The following WNT6 variants were observed in gnomAD, a reference collection of about 807,000 sequenced individuals.
WNT6 encodes Wnt family member 6, also known as protein Wnt-6.
WNT6 carries 27 observed loss-of-function variants against 33.1 expected under a neutral mutation model. The ratio of observed to expected loss-of-function variants is 0.82; its 90% CI spans 0.60 to 1.12. WNT6 has a LOEUF of 1.12. WNT6 is among the 50% of genes most tolerant of loss of function. The pLI, the probability that WNT6 is intolerant of heterozygous loss-of-function variation, is 0.00. For missense variants in WNT6, 494 were observed against 535.3 expected (o/e 0.92, Z 0.76); for synonymous variants, 249 against 242.8 (o/e 1.03, Z -0.24).
In WNT6 at chr2:218,859,894, C is replaced by G. The variant is rs1042202890; in HGVS notation, c.-144C>G. 2.2e-6 allele frequency: 1 copy of G among 464,930 alleles called. No homozygotes were observed. Among genetic ancestry groups the G allele is most frequent in the Non-Finnish European group, 3.0e-6 (1 of 335,834 alleles). The allele number at this position is 464,930 out of a possible 1,614,324, so 28.8% of individuals were successfully genotyped here. On this transcript the variant is annotated 5_prime_UTR_variant, in exon 1 of 4. Coordinates refer to ENST00000233948, the MANE Select transcript of WNT6 (RefSeq NM_006522.4). ...CCGCGCCCTCCTCGCCCGGGATGGGCCCCCCCGCCGCCGCCGGATCCCTCG... is the reference window on the plus strand; with the variant it reads ...CCGCGCCCTCCTCGCCCGGGATGGGGCCCCCCGCCGCCGCCGGATCCCTCG...
intron 1 of WNT6, among the ~76,000 whole-genome samples, chr2:218,863,322 G>A (rs535807779): frequency 1.3e-5 from 2 of 152,284 alleles, no homozygotes; most frequent in African/African-American, 4.8e-5. Flanking sequence ...TCCAGTGCTG[G>A]CCAGGAAAGC....
chr2:218,860,027 G>A lies in WNT6; in HGVS notation c.-11G>A. On this transcript the variant is annotated 5_prime_UTR_variant, in exon 1 of 4. Transcript: ENST00000233948. ...CCCCCTGCCCACCCGGGCGGCCGTA[G>A]GGCGGTCACGATGCTGCCGCCCTTA... 1 of 1,481,376 alleles carries A rather than the reference G, an allele frequency of 6.8e-7. No homozygotes were observed. The highest frequency in any genetic ancestry group is 8.9e-7 in the Non-Finnish European group (1 of 1,120,370). 91.8% of individuals were successfully genotyped at this position (1,481,376 alleles called of 1,614,324 possible).
At chr2:218,864,956 G>T (rs1389114551) in intron 1 of WNT6, among the ~76,000 whole-genome samples, 2 of 152,248 alleles carry the variant, frequency 1.3e-5, no homozygotes, top group Non-Finnish European at 2.9e-5. Flanking sequence ...CGCCTTGGCA[G>T]CTTCCCCTGG....
intron 1 of WNT6, among the ~76,000 whole-genome samples, chr2:218,866,334 C>T (rs1944354446): frequency 6.6e-6 from 1 of 152,114 alleles, no homozygotes; most frequent in African/African-American, 2.4e-5. Flanking sequence ...CAGTGATCCA[C>T]CCAGGAGTGC....
chr2:218,868,541 A>G (rs576784427), intron 1 of WNT6, among the ~76,000 whole-genome samples: 2 of 152,284 alleles, frequency 1.3e-5, no homozygotes, highest in Non-Finnish European at 2.9e-5. Context: ...GTGGAGCCCC[A>G]GACATAAGGG....
At chr2:218,864,316 G>A (rs1472118122) in intron 1 of WNT6, among the ~76,000 whole-genome samples, 1 of 152,044 alleles carries the variant, frequency 6.6e-6, no homozygotes, top group Non-Finnish European at 1.5e-5. Flanking sequence ...CTGGAGTGCA[G>A]TGGTGCAATC....
In WNT6 at chr2:218,873,846, C is replaced by T. The variant is rs898757829; in HGVS notation, c.*1C>T. The T allele has an allele frequency of 1.4e-6, 2 of 1,476,104 alleles. No individual in the cohort carries two copies. The highest frequency in any genetic ancestry group is 1.8e-6 in the Non-Finnish European group (2 of 1,118,888). The allele number at this position is 1,476,104 out of a possible 1,614,324, so 91.4% of individuals were successfully genotyped here. ...CAAGGAGCTCAGCCTCTGCCTGTGA[C>T]CCGCCGCCCGGCCGCTAGACTGACT... On this transcript the variant is annotated 3_prime_UTR_variant, in exon 4 of 4. Transcript: ENST00000233948. The surrounding 1 kb of genome is among the most constrained non-coding windows in gnomAD (Gnocchi z 6.1).
Position 218,859,937 on chromosome 2 carries a change from T to G in WNT6, c.-101T>G. 5 of 1,025,490 alleles carry G rather than the reference T, an allele frequency of 4.9e-6. No individual in the cohort carries two copies. The highest frequency in any genetic ancestry group is 4.9e-6 in the Non-Finnish European group (4 of 822,130). The allele number at this position is 1,025,490 out of a possible 1,614,324, so 63.5% of individuals were successfully genotyped here. A position where few individuals can be genotyped will look rare whatever the true frequency, so the allele number is the denominator to read the frequency against. On this transcript the variant is annotated 5_prime_UTR_variant, in exon 1 of 4. Coordinates refer to ENST00000233948, the MANE Select transcript of WNT6 (RefSeq NM_006522.4). ...ATCCCTCGCCTCCCGGCCGCCGCCG[T>G]TGCGCTCGCCGCGCTCGCACTGAAG...
At position 218,873,654 on chromosome 2, in the gene WNT6, C is replaced by G. The variant is rs771206925; in HGVS notation, c.907C>G (p.Pro303Ala). ...FCAPNRRTGS[P>A]GTRGRACNSS... Reference sequence around the variant, plus strand: ...CGCCCCCAACCGACGCACCGGCTCCCCCGGCACGCGCGGTCGCGCCTGCAA... The same window carrying G: ...CGCCCCCAACCGACGCACCGGCTCCGCCGGCACGCGCGGTCGCGCCTGCAA... The change falls in exon 4 of 4, where the codon CCC becomes GCC. Residue 303 changes from proline (P) to alanine (A), a missense_variant. By Grantham distance (27) the Pro-to-Ala change is conservative. Transcript: ENST00000233948. This position sits in a 1 kb window ranked among gnomAD's most constrained non-coding sequence, Gnocchi z 6.1. 1.5e-5 allele frequency: 23 copies of G among 1,582,944 alleles called. No homozygotes were observed. Among genetic ancestry groups the G allele is most frequent in the Non-Finnish European group, 2.0e-5 (23 of 1,171,976 alleles).
At chr2:218,862,957 G>A (rs1944322495) in intron 1 of WNT6, among the ~76,000 whole-genome samples, 1 of 152,140 alleles carries the variant, frequency 6.6e-6, no homozygotes, top group Non-Finnish European at 1.5e-5. Flanking sequence ...TGCTCACCTT[G>A]GCCTCCCAAA....
In WNT6 at chr2:218,860,999, G is replaced by A. The variant is rs145870281; in HGVS notation, c.80+882G>A. 3.1e-3 allele frequency among the ~76,000 whole-genome samples: 475 copies of A among 152,330 alleles called. 5 individuals are homozygous for A. Among genetic ancestry groups the A allele is most frequent in the African/African-American group, 0.01 (434 of 41,576 alleles). ...TCTCCAGAGCCGCAAACCCTCGCCC[G>A]GAATAGCTCAGTGTTTAGAGAGGAG... On this transcript the variant is annotated intron_variant, in intron 1 of 3. Coordinates refer to ENST00000233948, the MANE Select transcript of WNT6 (RefSeq NM_006522.4).
At chr2:218,864,738 G>T (rs1944339553) in intron 1 of WNT6, among the ~76,000 whole-genome samples, 3 of 152,256 alleles carry the variant, frequency 2.0e-5, no homozygotes, top group South Asian at 4.1e-4. Flanking sequence ...CCACAGGGAG[G>T]CAGGGAAACG....
In WNT6 at chr2:218,873,431, G is replaced by A. The variant is rs564701926; in HGVS notation, c.684G>A (p.Ser228=). 4 of 1,537,972 alleles carry A rather than the reference G, an allele frequency of 2.6e-6. No homozygotes were observed. In the East Asian group the frequency reaches 9.8e-5, roughly 38 times the overall value. ...TRTECKCHGL[S]GSCALRTCWQ... The stretch of plus-strand genomic sequence containing the variant: ...CCGAGTGCAAATGCCACGGGCTGTC[G>A]GGATCATGCGCGCTGCGCACCTGCT... Residue 228 remains serine, a synonymous_variant, in exon 4 of 4, where the codon TCG becomes TCA. Transcript: ENST00000233948. This position sits in a 1 kb window ranked among gnomAD's most constrained non-coding sequence, Gnocchi z 6.1.
At chr2:218,864,486 C>T (rs1356117754) in intron 1 of WNT6, among the ~76,000 whole-genome samples, 1 of 152,100 alleles carries the variant, frequency 6.6e-6, no homozygotes, top group Non-Finnish European at 1.5e-5. Flanking sequence ...AGGCTGATCT[C>T]GAACTCCTGA....
At chr2:218,864,352 C>A (rs762914587) in intron 1 of WNT6, among the ~76,000 whole-genome samples, 9 of 152,098 alleles carry the variant, frequency 5.9e-5, no homozygotes, top group Non-Finnish European at 1.0e-4. Context: ...CTCTGCCACC[C>A]GGGTTCAAGT....
chr2:218,870,995 A>G (rs1390367818), intron 1 of WNT6, 32 bp from the exon 2 acceptor site: 6 of 1,544,132 alleles, frequency 3.9e-6, no homozygotes, highest in South Asian at 1.2e-5. Context: ...TTTTTGGGTT[A>G]CACCCCTGAC....
chr2:218,862,094 C>T (rs1326950817), intron 1 of WNT6, among the ~76,000 whole-genome samples: 3 of 152,104 alleles, frequency 2.0e-5, no homozygotes, highest in Non-Finnish European at 4.4e-5. Context: ...GGCCTGGTCC[C>T]TGAGAGACTG....
chr2:218,871,381 C>T lies in WNT6; in HGVS notation c.302-104C>T, dbSNP rs1348143348. ...TGTGTCTGGGCACCCTGCAAGGACC[C>T]TGCCTCCCAGGCCCCTGGGGCAGCC... is the stretch of plus-strand genomic sequence containing the variant. On this transcript the variant is annotated intron_variant, in intron 2 of 3. Transcript: ENST00000233948. The surrounding 1 kb of genome is among the most constrained non-coding windows in gnomAD (Gnocchi z 6.4). The T allele has an allele frequency of 6.7e-7, 1 of 1,491,282 alleles. No homozygotes were observed. The highest frequency in any genetic ancestry group is 2.3e-5 in the East Asian group (1 of 42,860). The allele number at this position is 1,491,282 out of a possible 1,614,324, so 92.4% of individuals were successfully genotyped here. A position where few individuals can be genotyped will look rare whatever the true frequency, so the allele number is the denominator to read the frequency against.
chr2:218,863,522 C>T (rs1944328500), intron 1 of WNT6, among the ~76,000 whole-genome samples: 1 of 152,138 alleles, frequency 6.6e-6, no homozygotes, highest in Admixed American at 6.5e-5. Context: ...TTTCACTTCC[C>T]TTCCTTACTC....
Sources: gnomAD v4.1 joint callset for allele counts (sites outside exome capture counted in the v4.1 genomes callset) on GRCh38, gnomAD v4.1.1 for gene constraint, Gnocchi (gnomAD v3.1) non-coding constraint, MANE v1.5 for transcripts, NCBI Gene and HGNC (gene_info 2026-07-23, HGNC 2026-07-21) for gene names.